POSTN: variants seen among roughly 807,000 people sequenced by gnomAD.
POSTN encodes the protein osteoblast specific factor 2 (fasciclin I-like).
In POSTN, 71 loss-of-function variants were observed where a neutral mutation model predicts 104.5. That is an observed-to-expected ratio of 0.68 (90% CI 0.56 to 0.83). The LOEUF is 0.83. Among genes scored for constraint, POSTN ranks in the 40% least tolerant of loss-of-function variants. The probability of loss-of-function intolerance (pLI) is 0.00; values close to 1 mark genes in which losing one functional copy is unlikely to be tolerated. For synonymous variants in POSTN, 355 were observed against 340.7 expected (o/e 1.04, Z -0.46); for missense variants, 949 against 1,006.8 (o/e 0.94, Z 0.78).
chr13:37,598,236 A>C (rs1452473709), intron 1 of POSTN, among the ~76,000 whole-genome samples: 2 of 152,166 alleles, frequency 1.3e-5, no homozygotes, highest in Non-Finnish European at 2.9e-5. Context: ...CTGTTTGCAT[A>C]CATATGATAG....
chr13:37,577,857 A>G (rs1950459619), intron 15 of POSTN, 59 bp from the exon 16 acceptor site: 1 of 1,606,004 alleles, frequency 6.2e-7, no homozygotes, highest in African/African-American at 1.3e-5. Flanking sequence ...TAACAAAACC[A>G]TGGCACCACT....
At chr13:37,568,612 A>G (rs1448834230) in intron 21 of POSTN, 1 of 151,984 alleles carries the variant, frequency 6.6e-6, no homozygotes, top group East Asian at 1.9e-4. Flanking sequence ...AATGCCAATG[A>G]TACAAATTAT....
intron 10 of POSTN, 30 bp downstream of exon 10, chr13:37,582,336 A>G (rs751021669): frequency 1.3e-6 from 2 of 1,582,104 alleles, no homozygotes; most frequent in African/African-American, 1.4e-5. Context: ...GTCATTTGAC[A>G]GACTTTTTAT....
In POSTN at chr13:37,570,575, G is replaced by A; in HGVS notation, c.2269+5C>T. ...CATAGATCCATGTATGGAATTAATG[G>A]CTACCTGTAATGATTCGTTCTTCTC... is the stretch of plus-strand genomic sequence containing the variant. On this transcript the variant is annotated splice_donor_5th_base_variant and intron_variant, in intron 19 of 22. Transcript: ENST00000379747. 1 of 1,564,432 alleles carries A rather than the reference G, an allele frequency of 6.4e-7. No homozygotes were observed. Among genetic ancestry groups the A allele is most frequent in the South Asian group, 1.1e-5 (1 of 89,632 alleles).
chr13:37,564,142 A>G (rs954929822), intron 22 of POSTN, among the ~76,000 whole-genome samples: 15 of 110,152 alleles, frequency 1.4e-4, no homozygotes, highest in Non-Finnish European at 5.8e-5. Context: ...ACTCTTATAT[A>G]CACAAAATTA....
intron 16 of POSTN, among the ~76,000 whole-genome samples, chr13:37,576,821 C>CA (rs1381145011): frequency 6.6e-6 from 1 of 151,906 alleles, no homozygotes; most frequent in Non-Finnish European, 1.5e-5. Flanking sequence ...TAATTGAAAT[C>CA]AACAACAGCA....
intron 2 of POSTN, among the ~76,000 whole-genome samples, chr13:37,594,494 T>C (rs983967830): frequency 5.8e-4 from 83 of 143,336 alleles, no homozygotes; most frequent in Non-Finnish European, 9.0e-4. Context: ...AAACTCAATG[T>C]TCCCATATGG....
At chr13:37,591,319 T>C (rs1950925897) in intron 3 of POSTN, among the ~76,000 whole-genome samples, 1 of 152,188 alleles carries the variant, frequency 6.6e-6, no homozygotes, top group South Asian at 2.1e-4. Flanking sequence ...CAATTTTAAT[T>C]GATTCTAAAT....
At chr13:37,583,900 G>T in intron 9 of POSTN, 69 bp downstream of exon 9, 8 of 1,532,708 alleles carry the variant, frequency 5.2e-6, no homozygotes, top group Non-Finnish European at 7.1e-6. Flanking sequence ...GTTTCTTATT[G>T]CAAACAATCA....
At chr13:37,592,500 G>A (rs557565604) in intron 2 of POSTN, among the ~76,000 whole-genome samples, 1 of 152,004 alleles carries the variant, frequency 6.6e-6, no homozygotes, top group Non-Finnish European at 1.5e-5. Flanking sequence ...GGGTTTCGCC[G>A]TGCTAGCCAG....
At chr13:37,592,745 T>G (rs1280439981) in intron 2 of POSTN, among the ~76,000 whole-genome samples, 7 of 152,208 alleles carry the variant, frequency 4.6e-5, no homozygotes, top group Admixed American at 4.6e-4. Context: ...AGTCATTTAA[T>G]CAATAGGAGT....
chr13:37,570,215 A>G (rs955144099), intron 19 of POSTN, among the ~76,000 whole-genome samples: 2 of 151,866 alleles, frequency 1.3e-5, no homozygotes, highest in African/African-American at 4.8e-5. Flanking sequence ...TTTGGCAGGT[A>G]GATGTACAGA....
intron 4 of POSTN, 57 bp downstream of exon 4, chr13:37,590,314 TA>T: frequency 7.4e-7 from 1 of 1,355,284 alleles, no homozygotes. Flanking sequence ...ATAAGTCAGT[TA>T]AAATGAAATA....
chr13:37,589,533 A>G (rs1469653924), intron 4 of POSTN, among the ~76,000 whole-genome samples: 1 of 151,792 alleles, frequency 6.6e-6, no homozygotes, highest in Non-Finnish European at 1.5e-5. Flanking sequence ...GGTGTGTGAT[A>G]TTCCCCTTGC....
intron 17 of POSTN, 63 bp from the exon 18 acceptor site, chr13:37,571,521 AGG>A: frequency 8.0e-7 from 1 of 1,246,764 alleles, no homozygotes; most frequent in Non-Finnish European, 1.2e-6. Flanking sequence ...TTACCGGAAT[AGG>A]ACATTTATTT....
At position 37,564,697 on chromosome 13, in the gene POSTN, T is replaced by G. The variant is rs1045346630; in HGVS notation, c.2432-137A>C. 16 of 478,350 alleles carry G rather than the reference T, an allele frequency of 3.3e-5. No homozygotes were observed. The Admixed American group carries it at 3.5e-4, about 10-fold the overall frequency. 29.6% of individuals were successfully genotyped at this position (478,350 alleles called of 1,614,324 possible). On this transcript the variant is annotated intron_variant, in intron 21 of 22. Transcript: ENST00000379747. Reference sequence around the variant, plus strand: ...CGAAGATTATTTTTAGTAGTTAAATTTTATGATCCTCAGAGTTTTACATTT... The same window carrying G: ...CGAAGATTATTTTTAGTAGTTAAATGTTATGATCCTCAGAGTTTTACATTT...
In POSTN at chr13:37,584,854, G is replaced by A. The variant is rs769108396; in HGVS notation, c.970C>T (p.Leu324=). 1 of 1,613,766 alleles carries A rather than the reference G, an allele frequency of 6.2e-7. No individual in the cohort carries two copies. The highest frequency in any genetic ancestry group is 8.5e-7 in the Non-Finnish European group (1 of 1,179,936). Residue 324 remains leucine (L), a synonymous_variant, in exon 8 of 23, where the codon CTG becomes TTG. Transcript: ENST00000379747. The part of the protein sequence containing the change: ...SIMGGAVFET[L]EGNTIEIGCD... ...CCTATCTCAATTGTATTTCCTTCCA[G>A]CGTCTCAAAGACTGCTCCTCCCATA...
intron 17 of POSTN, among the ~76,000 whole-genome samples, chr13:37,571,831 T>G (rs961140279): frequency 1.3e-5 from 2 of 149,246 alleles, no homozygotes; most frequent in Non-Finnish European, 3.0e-5. Context: ...TAGATCCCAC[T>G]TTATCATACT....
rs201535339 is a variant in POSTN at position 37,598,630 on chromosome 13, G to A, written c.97C>T (p.Arg33Cys). The A allele has an allele frequency of 1.2e-6, 2 of 1,612,524 alleles. No homozygotes were observed. The highest frequency in any genetic ancestry group is 1.3e-5 in the African/African-American group (1 of 74,844). ...NHYDKILAHSRIRGRDQGPNV... is the reference protein window; with the variant it reads ...NHYDKILAHSCIRGRDQGPNV... ...TACCCTTGGTCCCGACCCCTGATAC[G>A]ACTATGAGCCAAGATCTTGTCATAA... Residue 33 changes from arginine (R) to cysteine (C), a missense_variant, in exon 1 of 23, where the codon CGT becomes TGT. Physicochemically the swap from Arg to Cys is radical, Grantham distance 180 (BLOSUM62 -3). Coordinates refer to ENST00000379747, the MANE Select transcript of POSTN (RefSeq NM_006475.3).
Sources: gnomAD v4.1 joint callset for allele counts (sites outside exome capture counted in the v4.1 genomes callset) on GRCh38, gnomAD v4.1.1 for gene constraint, MANE v1.5 for transcripts, NCBI Gene and HGNC (gene_info 2026-07-23, HGNC 2026-07-21) for gene names.